GSK3B: variants seen among roughly 807,000 people sequenced by gnomAD.
GSK3B encodes glycogen synthase kinase 3 beta, also known as glycogen synthase kinase-3 beta.
In GSK3B, 15 loss-of-function variants were observed where a neutral mutation model predicts 56.4. That is an observed-to-expected ratio of 0.27 (90% CI 0.18 to 0.41). GSK3B has a LOEUF of 0.41. Among genes scored for constraint, GSK3B ranks in the 10% least tolerant of loss-of-function variants. The pLI, the probability that GSK3B is intolerant of heterozygous loss-of-function variation, is 1.00. For synonymous variants in GSK3B, 181 were observed against 188.9 expected, an observed-to-expected ratio of 0.96 and a Z score of 0.34; for missense variants, 300 against 513.4, an observed-to-expected ratio of 0.58 and a Z score of 4.02.
intron 1 of GSK3B, among the ~76,000 whole-genome samples, chr3:120,069,046 G>A (rs2058304805): frequency 6.6e-6 from 1 of 152,028 alleles, no homozygotes; most frequent in South Asian, 2.1e-4. Context: ...GAAAACAAGT[G>A]GTGGAAAAGA....
chr3:119,886,965 C>T (rs79084397), intron 7 of GSK3B, among the ~76,000 whole-genome samples: 3,928 of 152,086 alleles, frequency 0.026, 172 homozygotes, highest in African/African-American at 0.089. Context: ...ACCCAATACA[C>T]CCAGGTAACA....
intron 1 of GSK3B, among the ~76,000 whole-genome samples, chr3:120,092,914 T>A (rs1158894501): frequency 2.0e-5 from 3 of 152,232 alleles, no homozygotes; most frequent in Non-Finnish European, 4.4e-5. Context: ...TGATAACCCC[T>A]GAGACCTAAA....
chr3:119,921,322 A>G (rs954861350), intron 4 of GSK3B, among the ~76,000 whole-genome samples: 5 of 152,212 alleles, frequency 3.3e-5, no homozygotes, highest in African/African-American at 1.2e-4. Context: ...TAAATTAAGA[A>G]GGAATAATAA....
At chr3:119,971,429 T>C (rs2107515617) in intron 2 of GSK3B, among the ~76,000 whole-genome samples, 1 of 152,196 alleles carries the variant, frequency 6.6e-6, no homozygotes, top group Non-Finnish European at 1.5e-5. Flanking sequence ...AATTTGATCA[T>C]TGCTTTTGAC....
chr3:119,922,597 A>G (rs2056854319), intron 4 of GSK3B, among the ~76,000 whole-genome samples: 1 of 151,216 alleles, frequency 6.6e-6, no homozygotes, highest in African/African-American at 2.4e-5. Flanking sequence ...CTACTTTGAT[A>G]ACCCTTTTAT....
rs934381871 is a variant in GSK3B at position 120,026,588 on chromosome 3, C to T, written c.89-24349G>A. Among the ~76,000 whole-genome samples the T allele has an allele frequency of 6.8e-5, 10 of 146,206 alleles. No individual in the cohort carries two copies. The East Asian group carries it at 8.1e-4, about 12-fold the overall frequency. On this transcript the variant is annotated intron_variant, in intron 1 of 10. Transcript: ENST00000264235. ...ACACTCTTTTTTTTTTTCTTTGAGA[C>T]GGAGTCTCACTCTGTTGCCCAGGCT...
At chr3:119,912,241 T>C (rs955863116) in intron 6 of GSK3B, among the ~76,000 whole-genome samples, 14 of 152,082 alleles carry the variant, frequency 9.2e-5, no homozygotes, top group African/African-American at 3.4e-4. Context: ...ATTCATAACA[T>C]ACACAACACC....
chr3:120,035,200 A>T (rs2058012115), intron 1 of GSK3B, among the ~76,000 whole-genome samples: 1 of 152,218 alleles, frequency 6.6e-6, no homozygotes, highest in Admixed American at 6.5e-5. Flanking sequence ...CACAGAGAGC[A>T]AATAATATGA....
At chr3:119,875,834 G>C (rs1382533495) in intron 8 of GSK3B, among the ~76,000 whole-genome samples, 1 of 151,930 alleles carries the variant, frequency 6.6e-6, no homozygotes, top group Non-Finnish European at 1.5e-5. Context: ...TTTAGAACTG[G>C]TTCTATCTAA....
intron 3 of GSK3B, among the ~76,000 whole-genome samples, chr3:119,924,721 C>T (rs974359590): frequency 8.5e-5 from 13 of 152,134 alleles, no homozygotes; most frequent in Admixed American, 5.2e-4. Flanking sequence ...CTCTCTAACA[C>T]GAGAGTTAAC....
intron 1 of GSK3B, among the ~76,000 whole-genome samples, chr3:120,043,453 T>C (rs754442158): frequency 6.6e-6 from 1 of 152,206 alleles, no homozygotes; most frequent in African/African-American, 2.4e-5. Flanking sequence ...TTGTTACACC[T>C]TGTGAGGACG....
chr3:119,945,061 A>T (rs1344303958), intron 3 of GSK3B, among the ~76,000 whole-genome samples: 1 of 152,222 alleles, frequency 6.6e-6, no homozygotes, highest in Non-Finnish European at 1.5e-5. Context: ...CTCCTGAAGG[A>T]TATCTTAGTC....
chr3:120,063,278 T>C (rs571972690), intron 1 of GSK3B, among the ~76,000 whole-genome samples: 2 of 152,342 alleles, frequency 1.3e-5, no homozygotes, highest in South Asian at 2.1e-4. Flanking sequence ...ACTTCTATAC[T>C]GTTTTGAGTA....
chr3:119,989,684 C>G (rs1011937917), intron 2 of GSK3B, among the ~76,000 whole-genome samples: 41 of 151,596 alleles, frequency 2.7e-4, no homozygotes, highest in African/African-American at 9.4e-4. Context: ...AAGGAAATAT[C>G]TAAACAACCA....
chr3:120,032,794 T>G (rs1212470040), intron 1 of GSK3B, among the ~76,000 whole-genome samples: 1 of 152,270 alleles, frequency 6.6e-6, no homozygotes, highest in South Asian at 2.1e-4. Flanking sequence ...TATTCCAATA[T>G]GTACATTTCC....
chr3:119,918,883 C>T (rs917075396), intron 4 of GSK3B, among the ~76,000 whole-genome samples: 1 of 152,052 alleles, frequency 6.6e-6, no homozygotes, highest in Non-Finnish European at 1.5e-5. Flanking sequence ...AACTCAAATC[C>T]AATGCCCTCT....
At chr3:119,974,535 C>A (rs2057394266) in intron 2 of GSK3B, among the ~76,000 whole-genome samples, 1 of 152,172 alleles carries the variant, frequency 6.6e-6, no homozygotes. Context: ...AAAACAAGCC[C>A]TCACCAGACA....
At chr3:120,059,009 CAA>C (rs1358575864) in intron 1 of GSK3B, among the ~76,000 whole-genome samples, 25 of 64,654 alleles carry the variant, frequency 3.9e-4, no homozygotes, top group African/African-American at 4.7e-4. Flanking sequence ...GACTCTGTCT[CAA>C]AAAAAAAAAA....
At chr3:119,846,475 G>A (rs546070548) in intron 9 of GSK3B, among the ~76,000 whole-genome samples, 44 of 152,184 alleles carry the variant, frequency 2.9e-4, no homozygotes, top group Admixed American at 4.6e-4. Context: ...AAAAGTGGGC[G>A]AAAGATATGA....
Sources: allele counts gnomAD v4.1 joint callset (sites outside exome capture counted in the v4.1 genomes callset), GRCh38; gene constraint gnomAD v4.1.1; transcripts MANE v1.5; gene names NCBI Gene and HGNC (gene_info 2026-07-23, HGNC 2026-07-21).